OR5I1: variants seen among roughly 807,000 people sequenced by gnomAD.
The protein encoded by OR5I1 is olfactory receptor family 5 subfamily I member 1.
For missense variants in OR5I1, 425 were observed against 367.6 expected (o/e 1.16, Z -1.28); for synonymous variants, 163 against 145.5 (o/e 1.12, Z -0.87).
Position 55,935,497 on chromosome 11 carries a change from C to A in OR5I1, c.904G>T (p.Ala302Ser). 1 of 1,603,116 alleles carries A rather than the reference C, an allele frequency of 6.2e-7. No individual in the cohort carries two copies. Among genetic ancestry groups the A allele is most frequent in the South Asian group, 1.1e-5 (1 of 89,678 alleles). The change falls in exon 1 of 1, where the codon GCA (alanine) becomes TCA (serine). Residue 302 changes from alanine (A) to serine (S), a missense_variant. Coordinates refer to ENST00000301532, the MANE Select transcript of OR5I1 (RefSeq NM_006637.1). ...YSLRNKDVKD[A>S]AEKVLRSKVD... Reference sequence around the variant, plus strand: ...TTTGATCTTAGAACTTTCTCAGCTGCATCCTTTACATCTTTATTTCTCAAA... The same window carrying A: ...TTTGATCTTAGAACTTTCTCAGCTGAATCCTTTACATCTTTATTTCTCAAA...
rs747039441 is a variant in OR5I1, at chr11:55,935,542, G to C, written c.859C>G (p.Leu287Val). 6.2e-7 allele frequency: 1 copy of C among 1,610,918 alleles called. No individual in the cohort carries two copies. The highest frequency in any genetic ancestry group is 1.3e-5 in the African/African-American group (1 of 74,620). The change falls in exon 1 of 1, where the codon CTG becomes GTG. Residue 287 changes from leucine (L) to valine (V), a missense_variant. Transcript: ENST00000301532. Reference sequence around the variant, plus strand: ...CTCAAACTATAAATCAACGGATTCAGCACTGGAATGAAAATGGTGTAGAAC... The same window carrying C: ...CTCAAACTATAAATCAACGGATTCACCACTGGAATGAAAATGGTGTAGAAC... ...SVFYTIFIPV[L>V]NPLIYSLRNK...
rs1260343125 is a variant in OR5I1 at position 55,935,710 on chromosome 11, G to C, written c.691C>G (p.Arg231Gly). Residue 231 changes from arginine to glycine, a missense_variant, in exon 1 of 1, where the codon CGC becomes GGC. By Grantham distance (125) the Arg-to-Gly change is moderately radical. Transcript: ENST00000301532. ...GTCTTCTTCCTCCCACTGAAAGAGCGGATCTTTAAGACTGAGAGAAGAATG... is the reference window on the plus strand; with the variant it reads ...GTCTTCTTCCTCCCACTGAAAGAGCCGATCTTTAAGACTGAGAGAAGAATG... ...FFILLSVLKI[R>G]SFSGRKKTFS... 1 of 1,608,846 alleles carries C rather than the reference G, an allele frequency of 6.2e-7. No individual in the cohort carries two copies. Among genetic ancestry groups the C allele is most frequent in the African/African-American group, 1.3e-5 (1 of 74,452 alleles).
Position 55,936,315 on chromosome 11 carries a change from A to T in OR5I1, c.86T>A (p.Leu29Gln). 1 of 1,611,592 alleles carries T rather than the reference A, an allele frequency of 6.2e-7. No homozygotes were observed. The highest frequency in any genetic ancestry group is 8.5e-7 in the Non-Finnish European group (1 of 1,178,560). The change falls in exon 1 of 1, where the codon CTG becomes CAG. Residue 29 changes from leucine (L) to glutamine (Q), a missense_variant. Leu to Gln is a moderately radical substitution (Grantham distance 113). Transcript: ENST00000301532. ...ATACAATGTCAGAAACATGAGGAAC[A>T]GGACAATCTGCAGTTCAGGGCGAGT... is the stretch of plus-strand genomic sequence containing the variant. ...FPTRPELQIV[L>Q]FLMFLTLYAI...
At position 55,936,193 on chromosome 11, in the gene OR5I1, A is replaced by C; in HGVS notation, c.208T>G (p.Phe70Val). ...TCTGAGAAATAGCAAAGGTCTACAAATGATAGGTTGCTAAGGAAAAAATAC... is the reference window on the plus strand; with the variant it reads ...TCTGAGAAATAGCAAAGGTCTACAACTGATAGGTTGCTAAGGAAAAAATAC... Reference protein sequence around the residue: ...PMYFFLSNLSFVDLCYFSDIV... With the variant: ...PMYFFLSNLSVVDLCYFSDIV... The change falls in exon 1 of 1, where the codon TTT becomes GTT. Residue 70 changes from phenylalanine (F) to valine (V), a missense_variant. Physicochemically the swap from Phe to Val is conservative, Grantham distance 50. Transcript: ENST00000301532. 4 of 1,612,244 alleles carry C rather than the reference A, an allele frequency of 2.5e-6. No individual in the cohort carries two copies. The highest frequency in any genetic ancestry group is 3.4e-6 in the Non-Finnish European group (4 of 1,178,934).
Position 55,936,123 on chromosome 11 carries a change from G to T in OR5I1, c.278C>A (p.Ser93Tyr). 1 of 1,612,096 alleles carries T rather than the reference G, an allele frequency of 6.2e-7. No individual in the cohort carries two copies. Among genetic ancestry groups the T allele is most frequent in the Non-Finnish European group, 8.5e-7 (1 of 1,178,948 alleles). ...CAGGGCACACCCATAATAGGAAATA[G>T]ATTTGTTCTCCGAGAGGAAATTGAC... is the stretch of plus-strand genomic sequence containing the variant. ...MLVNFLSENK[S>Y]ISYYGCALQF... The change falls in exon 1 of 1, where the codon TCT becomes TAT. Residue 93 changes from serine to tyrosine, a missense_variant. Ser to Tyr is a moderately radical substitution (Grantham distance 144, BLOSUM62 -2). Transcript: ENST00000301532.
rs749653483 is a variant in OR5I1 at position 55,936,261 on chromosome 11, A to AATCCAATGTTCCCTATCAGAATTATAGC, written c.112_139dup (p.Leu47CysfsTer17). The AATCCAATGTTCCCTATCAGAATTATAGC allele has an allele frequency of 9.9e-6, 16 of 1,611,980 alleles. No homozygotes were observed. Among genetic ancestry groups the AATCCAATGTTCCCTATCAGAATTATAGC allele is most frequent in the Non-Finnish European group, 1.3e-5 (15 of 1,178,868 alleles). On this transcript the variant is annotated frameshift_variant, in exon 1 of 1. Transcript: ENST00000301532. LOFTEE classifies it low-confidence loss of function (END_TRUNC). ...AGGATCAATCCTGATCAACAGCATC[A>AATCCAATGTTCCCTATCAGAATTATAGC]ATCCAATGTTCCCTATCAGAATTAT...
rs376914654 is a variant in OR5I1, at chr11:55,935,602, G to C, written c.799C>G (p.Leu267Val). The change falls in exon 1 of 1, where the codon CTG becomes GTG. Residue 267 changes from leucine (L) to valine (V), a missense_variant. Physicochemically the swap from Leu to Val is conservative, Grantham distance 32. Transcript: ENST00000301532. ...LLFIYSRPSY[L>V]YSPNTDKIIS... ...ATTTTATCAGTGTTTGGAGAATACA[G>C]GTAGCTGGGCCGTGAGTAAATAAAG... 2.8e-5 allele frequency: 45 copies of C among 1,611,502 alleles called. No homozygotes were observed. Among genetic ancestry groups the C allele is most frequent in the Admixed American group, 6.7e-5 (4 of 59,686 alleles).
At position 55,936,386 on chromosome 11, in the gene OR5I1, A is replaced by G. The variant is rs764529939; in HGVS notation, c.15T>C (p.Asp5=). The G allele has an allele frequency of 5.8e-6, 9 of 1,560,030 alleles. No individual in the cohort carries two copies. In the South Asian group the frequency reaches 6.0e-5, roughly 10 times the overall value. ...ACTCAGTGACCAACGTGTAGTTTCT[A>G]TCTGTAAATTCCATCTTCTGTGTTG... MEFT[D]RNYTLVTEFI... The change falls in exon 1 of 1, where the codon GAT becomes GAC. Residue 5 remains aspartate (D), a synonymous_variant. Transcript: ENST00000301532.
In OR5I1 at chr11:55,936,353, T is replaced by C. The variant is rs1189906904; in HGVS notation, c.48A>G (p.Leu16=). ...RNYTLVTEFI[L]LGFPTRPELQ... is the part of the protein sequence containing the mutation. ...GTTCAGGGCGAGTTGGAAAACCTAA[T>C]AGAATAAACTCAGTGACCAACGTGT... Residue 16 remains leucine, a synonymous_variant, in exon 1 of 1, where the codon CTA becomes CTG. Transcript: ENST00000301532. 3.1e-6 allele frequency: 5 copies of C among 1,603,552 alleles called. No individual in the cohort carries two copies. Among genetic ancestry groups the C allele is most frequent in the Non-Finnish European group, 3.4e-6 (4 of 1,175,372 alleles).
rs370521378 is a variant in OR5I1 at position 55,935,644 on chromosome 11, A to G, written c.757T>C (p.Tyr253His). Residue 253 changes from tyrosine to histidine, a missense_variant, in exon 1 of 1, where the codon TAC becomes CAC. Physicochemically the swap from Tyr to His is moderately conservative, Grantham distance 83. Transcript: ENST00000301532. ...CASHLTSVTIYQGTLLFIYSR... is the reference protein window; with the variant it reads ...CASHLTSVTIHQGTLLFIYSR... ...TAAATAAAGAGGAGAGTCCCTTGGT[A>G]GATCGTCACTGAAGTCAGGTGAGAG... The G allele has an allele frequency of 1.3e-5, 21 of 1,611,142 alleles. No individual in the cohort carries two copies. In the African/African-American group the frequency reaches 2.7e-4, roughly 21 times the overall value.
In OR5I1 at chr11:55,935,611, G is replaced by T. The variant is rs1372813176; in HGVS notation, c.790C>A (p.Pro264Thr). Residue 264 changes from proline (P) to threonine (T), a missense_variant, in exon 1 of 1, where the codon CCC becomes ACC. Transcript: ENST00000301532. ...GTGTTTGGAGAATACAGGTAGCTGG[G>T]CCGTGAGTAAATAAAGAGGAGAGTC... is the stretch of plus-strand genomic sequence containing the variant. The part of the protein sequence containing the change: ...QGTLLFIYSR[P>T]SYLYSPNTDK... 6.2e-7 allele frequency: 1 copy of T among 1,611,556 alleles called. No individual in the cohort carries two copies. Among genetic ancestry groups the T allele is most frequent in the Non-Finnish European group, 8.5e-7 (1 of 1,178,710 alleles).
rs1317265008 is a variant in OR5I1, at chr11:55,935,812, T to C, written c.589A>G (p.Asn197Asp). The C allele has an allele frequency of 6.2e-7, 1 of 1,611,790 alleles. No homozygotes were observed. Among genetic ancestry groups the C allele is most frequent in the Non-Finnish European group, 8.5e-7 (1 of 1,178,842 alleles). ...CCGTATGTGGAGAGGAGCCACTCAT[T>C]AATTGTTGTGTCAGTGCAGGATAGT... The part of the protein sequence containing the change: ...LKLSCTDTTI[N>D]EWLLSTYGSS... Residue 197 changes from asparagine (N) to aspartate (D), a missense_variant, in exon 1 of 1, where the codon AAT becomes GAT. Transcript: ENST00000301532.
In OR5I1 at chr11:55,935,749, T is replaced by A. The variant is rs1332420849; in HGVS notation, c.652A>T (p.Ile218Phe). The stretch of plus-strand genomic sequence containing the variant: ...GAGAGAAGAATGAAAAAGTAGGAGA[T>A]GATGATGATGATAAAACAAATGATT... The part of the protein sequence containing the change: ...VEIICFIIII[I>F]SYFFILLSVL... The change falls in exon 1 of 1, where the codon ATC becomes TTC. Residue 218 changes from isoleucine to phenylalanine, a missense_variant. Transcript: ENST00000301532. The A allele has an allele frequency of 6.2e-7, 1 of 1,606,242 alleles. No individual in the cohort carries two copies. The highest frequency in any genetic ancestry group is 1.7e-5 in the Admixed American group (1 of 59,198).
Position 55,936,257 on chromosome 11 carries a change from C to T in OR5I1, c.144G>A (p.Met48Ile), listed in dbSNP as rs570707377. 9 of 1,611,784 alleles carry T rather than the reference C, an allele frequency of 5.6e-6. No individual in the cohort carries two copies. Among genetic ancestry groups the T allele is most frequent in the Non-Finnish European group, 5.9e-6 (7 of 1,178,798 alleles). Residue 48 changes from methionine to isoleucine, a missense_variant, in exon 1 of 1, where the codon ATG (methionine) becomes ATA (isoleucine). Physicochemically the swap from Met to Ile is conservative, Grantham distance 10. Transcript: ENST00000301532. ...AIILIGNIGL[M>I]LLIRIDPHLQ... Reference sequence around the variant, plus strand: ...GGTGAGGATCAATCCTGATCAACAGCATCAATCCAATGTTCCCTATCAGAA... The same window carrying T: ...GGTGAGGATCAATCCTGATCAACAGTATCAATCCAATGTTCCCTATCAGAA...
At position 55,936,063 on chromosome 11, in the gene OR5I1, T is replaced by C; in HGVS notation, c.338A>G (p.Glu113Gly). The change falls in exon 1 of 1, where the codon GAA (glutamate) becomes GGA (glycine). Residue 113 changes from glutamate to glycine, a missense_variant. Physicochemically the swap from Glu to Gly is moderately conservative, Grantham distance 98 (BLOSUM62 -2). Coordinates refer to ENST00000301532, the MANE Select transcript of OR5I1 (RefSeq NM_006637.1). Reference sequence around the variant, plus strand: ...GGCCATGGCGGCCAGGATGAAGGATTCTGTATCTGCAAAAGTACAGAAAAA... The same window carrying C: ...GGCCATGGCGGCCAGGATGAAGGATCCTGTATCTGCAAAAGTACAGAAAAA... ...FYFFCTFADT[E>G]SFILAAMAYD... 6.2e-7 allele frequency: 1 copy of C among 1,611,584 alleles called. No homozygotes were observed. Among genetic ancestry groups the C allele is most frequent in the African/African-American group, 1.3e-5 (1 of 74,644 alleles).
chr11:55,935,867 A>G lies in OR5I1; in HGVS notation c.534T>C (p.His178=). The change falls in exon 1 of 1, where the codon CAT becomes CAC. Residue 178 remains histidine (H), a synonymous_variant. Transcript: ENST00000301532. ...GCAGGGGAGGGAGGTCACAGAAAAAATGATTAATAACATTTTTGTCACAAT... is the reference window on the plus strand; with the variant it reads ...GCAGGGGAGGGAGGTCACAGAAAAAGTGATTAATAACATTTTTGTCACAAT... ...LKYCDKNVIN[H]FFCDLPPLLK... is the part of the protein sequence containing the mutation. 1.2e-6 allele frequency: 2 copies of G among 1,611,776 alleles called. No individual in the cohort carries two copies. The highest frequency in any genetic ancestry group is 2.2e-5 in the East Asian group (1 of 44,802).
rs778557524 is a variant in OR5I1 at position 55,936,136 on chromosome 11, A to C, written c.265T>G (p.Ser89Ala). The change falls in exon 1 of 1, where the codon TCG becomes GCG. Residue 89 changes from serine to alanine, a missense_variant. Coordinates refer to ENST00000301532, the MANE Select transcript of OR5I1 (RefSeq NM_006637.1). ...IVPKMLVNFL[S>A]ENKSISYYGC... ...TAATAGGAAATAGATTTGTTCTCCG[A>C]GAGGAAATTGACCAGCATTTTGGGA... 3 of 1,612,210 alleles carry C rather than the reference A, an allele frequency of 1.9e-6. No individual in the cohort carries two copies. Among genetic ancestry groups the C allele is most frequent in the Non-Finnish European group, 2.5e-6 (3 of 1,178,976 alleles).
chr11:55,936,209 G>GA lies in OR5I1; in HGVS notation c.191dup (p.Leu65ProfsTer2), dbSNP rs1855163977. ...GGTCTACAAATGATAGGTTGCTAAG[G>GA]AAAAAATACATGGGGGTTTGAAGGT... On this transcript the variant is annotated frameshift_variant, in exon 1 of 1. Coordinates refer to ENST00000301532, the MANE Select transcript of OR5I1 (RefSeq NM_006637.1). LOFTEE classifies it low-confidence loss of function (END_TRUNC). 2 of 1,611,776 alleles carry GA rather than the reference G, an allele frequency of 1.2e-6. No homozygotes were observed. The highest frequency in any genetic ancestry group is 1.7e-5 in the Admixed American group (1 of 59,730).
In OR5I1 at chr11:55,935,682, A is replaced by G. The variant is rs1435522798; in HGVS notation, c.719T>C (p.Phe240Ser). 1 of 1,610,296 alleles carries G rather than the reference A, an allele frequency of 6.2e-7. No homozygotes were observed. Among genetic ancestry groups the G allele is most frequent in the African/African-American group, 1.3e-5 (1 of 74,550 alleles). ...AGTCAGGTGAGAGGCGCATGTAGAA[A>G]AGGTCTTCTTCCTCCCACTGAAAGA... ...IRSFSGRKKT[F>S]STCASHLTSV... Residue 240 changes from phenylalanine to serine, a missense_variant, in exon 1 of 1, where the codon TTT becomes TCT. Coordinates refer to ENST00000301532, the MANE Select transcript of OR5I1 (RefSeq NM_006637.1).
Sources: allele counts gnomAD v4.1 joint callset, GRCh38; gene constraint gnomAD v4.1.1; transcripts MANE v1.5; gene names NCBI Gene and HGNC (gene_info 2026-07-23, HGNC 2026-07-21).